ABCA1: variants seen among roughly 807,000 people sequenced by gnomAD.
ABCA1 encodes ATP binding cassette subfamily A member 1.
A neutral mutation model predicts 262.5 loss-of-function variants in ABCA1; 133 were observed. The ratio of observed to expected loss-of-function variants is 0.51; its 90% CI spans 0.44 to 0.59. The LOEUF (loss-of-function observed/expected upper bound fraction) is 0.59, where lower values mean the gene tolerates loss of function less well. Ranked by LOEUF, ABCA1 falls within the 20% of genes least tolerant of loss-of-function variation. ABCA1 has a pLI of 0.00. For synonymous variants in ABCA1, 1,022 were observed against 1,043.5 expected, an observed-to-expected ratio of 0.98 and a Z score of 0.40; for missense variants, 2,452 against 2,777.5, an observed-to-expected ratio of 0.88 and a Z score of 2.63.
Position 104,792,979 on chromosome 9 carries a change from T to C in ABCA1, c.5637-73A>G, listed in dbSNP as rs1829558924. The C allele has an allele frequency of 3.1e-6, 5 of 1,609,062 alleles. No individual in the cohort carries two copies. In the African/African-American group the frequency reaches 4.0e-5, roughly 13 times the overall value. ...GACAAAGATTCAGTCTCTAACGTAG[T>C]ATTATAAAACCTACTTGCCACAGTC... On this transcript the variant is annotated intron_variant, in intron 41 of 49. Coordinates refer to ENST00000374736, the MANE Select transcript of ABCA1 (RefSeq NM_005502.4).
intron 12 of ABCA1, 126 bp downstream of exon 12, chr9:104,832,448 G>A: frequency 9.7e-7 from 1 of 1,035,302 alleles, no homozygotes; most frequent in East Asian, 2.5e-5. Context: ...TGTTAGGCTT[G>A]AGGGATAGTT....
At chr9:104,870,132 T>C (rs1281501542) in intron 5 of ABCA1, among the ~76,000 whole-genome samples, 1 of 152,248 alleles carries the variant, frequency 6.6e-6, no homozygotes, top group Non-Finnish European at 1.5e-5. Context: ...GAGTCTTCTC[T>C]TTCAACCAAT....
chr9:104,833,524 G>T (rs1833533112), intron 11 of ABCA1, among the ~76,000 whole-genome samples: 1 of 152,114 alleles, frequency 6.6e-6, no homozygotes, highest in Non-Finnish European at 1.5e-5. Context: ...GAAAATGGAA[G>T]TTCAGAGAGG....
chr9:104,838,873 C>T (rs929766834), intron 9 of ABCA1, among the ~76,000 whole-genome samples: 1 of 151,540 alleles, frequency 6.6e-6, no homozygotes, highest in Non-Finnish European at 1.5e-5. Context: ...TGAAGGCTTC[C>T]TTGGGTCAAC....
Position 104,816,132 on chromosome 9 carries a change from A to T in ABCA1, c.3738+11T>A. 1.7e-5 allele frequency: 27 copies of T among 1,614,094 alleles called. No homozygotes were observed. The highest frequency in any genetic ancestry group is 2.2e-5 in the Non-Finnish European group (26 of 1,179,996). ...TTGCTATATATTCCGACAGTCAGCC[A>T]CTTAACTTACTTCTTCCAGGGTCGT... On this transcript the variant is annotated intron_variant, in intron 25 of 49. Coordinates refer to ENST00000374736, the MANE Select transcript of ABCA1 (RefSeq NM_005502.4).
chr9:104,903,841 C>A, intron 1 of ABCA1, 70 bp from the exon 2 acceptor site: 1 of 690,656 alleles, frequency 1.4e-6, no homozygotes, highest in Non-Finnish European at 2.6e-6. Flanking sequence ...ATGAGGACTG[C>A]TAATCCAGCC....
intron 8 of ABCA1, among the ~76,000 whole-genome samples, chr9:104,844,782 G>A (rs901412607): frequency 1.3e-5 from 2 of 152,158 alleles, no homozygotes; most frequent in African/African-American, 4.8e-5. Context: ...TCCTATGCTG[G>A]GGGACACCAG....
In ABCA1 at chr9:104,784,284, A is replaced by G. The variant is rs1472145497; in HGVS notation, c.*31T>C. On this transcript the variant is annotated 3_prime_UTR_variant, in exon 50 of 50. Coordinates refer to ENST00000374736, the MANE Select transcript of ABCA1 (RefSeq NM_005502.4). Reference sequence around the variant, plus strand: ...GCAAAGGAAAGTCTAGTTCCTCTTTACTTTCAGCCACCCCGTATGAACAGG... The same window carrying G: ...GCAAAGGAAAGTCTAGTTCCTCTTTGCTTTCAGCCACCCCGTATGAACAGG... 3 of 1,613,634 alleles carry G rather than the reference A, an allele frequency of 1.9e-6. No homozygotes were observed. Among genetic ancestry groups the G allele is most frequent in the African/African-American group, 2.7e-5 (2 of 74,894 alleles).
At chr9:104,794,034 T>G (rs1352638503) in intron 40 of ABCA1, among the ~76,000 whole-genome samples, 2 of 152,246 alleles carry the variant, frequency 1.3e-5, no homozygotes, top group Non-Finnish European at 2.9e-5. Context: ...GCATCTTTCC[T>G]TCTGATTCCC....
intron 12 of ABCA1, among the ~76,000 whole-genome samples, 180 bp from the exon 13 acceptor site, chr9:104,832,007 C>T (rs1833381973): frequency 6.6e-6 from 1 of 152,144 alleles, no homozygotes; most frequent in South Asian, 2.1e-4. Context: ...TTTTTCACTG[C>T]AATTTAAGAG....
At chr9:104,824,857 A>G (rs1257070455) in intron 17 of ABCA1, among the ~76,000 whole-genome samples, 1 of 152,254 alleles carries the variant, frequency 6.6e-6, no homozygotes, top group Non-Finnish European at 1.5e-5. Flanking sequence ...TCCCTCAGCC[A>G]GTAAGTTAAG....
chr9:104,817,440 A>G lies in ABCA1; in HGVS notation c.3463-36T>C. ...AGAAGGAGGTGAGAACGGGTCAGGG[A>G]CGGAGCAAGGCAGAGCCACCAGCAC... is the stretch of plus-strand genomic sequence containing the variant. On this transcript the variant is annotated intron_variant, in intron 23 of 49. Coordinates refer to ENST00000374736, the MANE Select transcript of ABCA1 (RefSeq NM_005502.4). The surrounding 1 kb of genome is among the most constrained non-coding windows in gnomAD (Gnocchi z 4.7). 1 of 1,612,398 alleles carries G rather than the reference A, an allele frequency of 6.2e-7. No individual in the cohort carries two copies. The highest frequency in any genetic ancestry group is 1.3e-5 in the African/African-American group (1 of 75,006).
At chr9:104,826,283 T>A (rs1356292416) in intron 16 of ABCA1, among the ~76,000 whole-genome samples, 1 of 152,194 alleles carries the variant, frequency 6.6e-6, no homozygotes, top group Non-Finnish European at 1.5e-5. Context: ...GGGCTGCTGA[T>A]GCCTATGAAG....
chr9:104,803,296 A>G lies in ABCA1; in HGVS notation c.4580T>C (p.Val1527Ala). 1.1e-5 allele frequency: 18 copies of G among 1,614,148 alleles called. No individual in the cohort carries two copies. The highest frequency in any genetic ancestry group is 1.5e-5 in the Non-Finnish European group (18 of 1,180,028). ...GACAGCAACTTACCTAAACTCATTCACCCAGATCTTGTTCTTTAAGCTGCA... is the reference window on the plus strand; with the variant it reads ...GACAGCAACTTACCTAAACTCATTCGCCCAGATCTTGTTCTTTAAGCTGCA... ...IAKSLKNKIW[V>A]NEFRYGGFSL... Residue 1527 changes from valine (V) to alanine (A), a missense_variant, in exon 33 of 50, where the codon GTG becomes GCG. This residue lies in a region of ABCA1 where 752 missense variants were observed against 944.5 expected (regional missense o/e 0.80). Coordinates refer to ENST00000374736, the MANE Select transcript of ABCA1 (RefSeq NM_005502.4).
chr9:104,807,083 T>C (rs1201088437), intron 30 of ABCA1, among the ~76,000 whole-genome samples: 1 of 152,130 alleles, frequency 6.6e-6, no homozygotes, highest in African/African-American at 2.4e-5. Context: ...GAAGACAGCA[T>C]GGCTGGAGTA....
intron 1 of ABCA1, among the ~76,000 whole-genome samples, chr9:104,913,620 G>A (rs1183772786): frequency 6.6e-6 from 1 of 152,130 alleles, no homozygotes; most frequent in Non-Finnish European, 1.5e-5. Context: ...ATTGGTAGAG[G>A]TGAAAGCATT....
At position 104,840,694 on chromosome 9, in the gene ABCA1, C is replaced by T. The variant is rs149797512; in HGVS notation, c.814-175G>A. ...AAGCCTTGGGATGAGCTTGCCAGAA[C>T]CTGGCTACCCAATCTGTGGTCCAGG... On this transcript the variant is annotated intron_variant, in intron 8 of 49. Transcript: ENST00000374736. 2.0e-3 allele frequency among the ~76,000 whole-genome samples: 305 copies of T among 152,306 alleles called. 3 individuals are homozygous for T. The highest frequency in any genetic ancestry group is 0.017 in the Middle Eastern group (5 of 294).
At chr9:104,901,365 T>TA (rs1840655322) in intron 2 of ABCA1, among the ~76,000 whole-genome samples, 1 of 151,944 alleles carries the variant, frequency 6.6e-6, no homozygotes. Flanking sequence ...TTCTCATCCG[T>TA]AAAATAAGAG....
rs139622383 is a variant in ABCA1, at chr9:104,923,832, G to A, written c.-93+4103C>T. Among the ~76,000 whole-genome samples, 25 of 152,278 alleles carry A rather than the reference G, an allele frequency of 1.6e-4. No homozygotes were observed. The East Asian group carries it at 4.3e-3, about 26-fold the overall frequency. On this transcript the variant is annotated intron_variant, in intron 1 of 49. Coordinates refer to ENST00000374736, the MANE Select transcript of ABCA1 (RefSeq NM_005502.4). ...ATGTGGGAGGATCACTTGAGCCCAGGAGTTCAAGACCAGTCTGAGCAAGAT... is the reference window on the plus strand; with the variant it reads ...ATGTGGGAGGATCACTTGAGCCCAGAAGTTCAAGACCAGTCTGAGCAAGAT...
Sources: allele counts gnomAD v4.1 joint callset (sites outside exome capture counted in the v4.1 genomes callset), GRCh38; gene constraint gnomAD v4.1.1; regional missense constraint gnomAD v4.1.1; non-coding constraint Gnocchi (gnomAD v3.1); transcripts MANE v1.5; gene names NCBI Gene and HGNC (gene_info 2026-07-23, HGNC 2026-07-21).